EIF2B3: variants seen among roughly 807,000 people sequenced by gnomAD.
EIF2B3 encodes the protein eukaryotic translation initiation factor 2B subunit gamma, also known as translation initiation factor eIF2B subunit gamma.
EIF2B3 carries 20 observed loss-of-function variants against 54.1 expected under a neutral mutation model. That is an observed-to-expected ratio of 0.37 (90% CI 0.26 to 0.54). The LOEUF is 0.54. EIF2B3 is among the 20% of genes least tolerant of loss of function. EIF2B3 has a pLI of 0.86. For missense variants in EIF2B3, 448 were observed against 547.8 expected, an observed-to-expected ratio of 0.82 and a Z score of 1.82; for synonymous variants, 153 against 188.1, an observed-to-expected ratio of 0.81 and a Z score of 1.52.
intron 4 of EIF2B3, among the ~76,000 whole-genome samples, chr1:44,940,205 T>C (rs759856400): frequency 1.4e-4 from 22 of 152,158 alleles, no homozygotes; most frequent in Non-Finnish European, 2.5e-4. Flanking sequence ...CTATTAATAA[T>C]AGTAAGAAAT....
intron 3 of EIF2B3, among the ~76,000 whole-genome samples, chr1:44,971,814 C>T (rs892196176): frequency 2.0e-5 from 3 of 151,212 alleles, no homozygotes; most frequent in South Asian, 2.1e-4. Flanking sequence ...GGGTGGATCA[C>T]GAGGTCAGGA....
intron 1 of EIF2B3, 128 bp downstream of exon 1, chr1:44,986,365 C>T (rs1644577596): frequency 6.6e-6 from 1 of 152,234 alleles, no homozygotes; most frequent in Non-Finnish European, 1.5e-5. Context: ...CACAGCTACA[C>T]CGGGTCGAGC....
chr1:44,959,031 G>C, intron 3 of EIF2B3: 1 of 737,004 alleles, frequency 1.4e-6, no homozygotes, highest in Non-Finnish European at 2.4e-6. Context: ...AAAGTTCAGT[G>C]ACATCTGAGA....
chr1:44,941,240 C>A (rs1019337677), intron 4 of EIF2B3, among the ~76,000 whole-genome samples: 1 of 152,226 alleles, frequency 6.6e-6, no homozygotes, highest in African/African-American at 2.4e-5. Context: ...CTTAGATATA[C>A]GTATTCAATT....
chr1:44,932,966 G>A (rs933830644), intron 4 of EIF2B3, among the ~76,000 whole-genome samples: 2 of 152,152 alleles, frequency 1.3e-5, no homozygotes, highest in Non-Finnish European at 2.9e-5. Flanking sequence ...AGAAGAAAAC[G>A]TGAGGTTCAA....
chr1:44,962,171 G>A lies in EIF2B3; in HGVS notation c.294+16144C>T, dbSNP rs899425386. 1.1e-4 allele frequency among the ~76,000 whole-genome samples: 16 copies of A among 151,168 alleles called. 1 individual carries two copies. The highest frequency in any genetic ancestry group is 9.7e-4 in the East Asian group (5 of 5,136). ...TGCGCCACTGCACTCCAGCCTGGGT[G>A]ACAAGAGCGAAACTCCGTCTCAATC... On this transcript the variant is annotated intron_variant, in intron 3 of 11. Transcript: ENST00000360403.
At chr1:44,965,069 A>G (rs567539090) in intron 3 of EIF2B3, among the ~76,000 whole-genome samples, 27 of 152,322 alleles carry the variant, frequency 1.8e-4, no homozygotes, top group African/African-American at 6.5e-4. Flanking sequence ...CACAGACCGC[A>G]CCTTTACTTA....
chr1:44,965,757 G>C (rs1029346624), intron 3 of EIF2B3, among the ~76,000 whole-genome samples: 1 of 149,122 alleles, frequency 6.7e-6, no homozygotes, highest in South Asian at 2.1e-4. Flanking sequence ...TTCGTGCCTC[G>C]GCCTCCTGAG....
At chr1:44,871,560 A>T (rs1159427649) in intron 10 of EIF2B3, among the ~76,000 whole-genome samples, 1 of 152,188 alleles carries the variant, frequency 6.6e-6, no homozygotes, top group African/African-American at 2.4e-5. Context: ...GTCATGGTGA[A>T]TTGTTTGTCA....
intron 3 of EIF2B3, among the ~76,000 whole-genome samples, chr1:44,945,167 C>T (rs977533708): frequency 5.9e-5 from 9 of 151,968 alleles, no homozygotes; most frequent in Non-Finnish European, 1.3e-4. Flanking sequence ...CTTTTGAAGG[C>T]CTTTTAAAGT....
chr1:44,899,013 G>A (rs1182249882), intron 5 of EIF2B3, among the ~76,000 whole-genome samples: 2 of 152,094 alleles, frequency 1.3e-5, no homozygotes, highest in African/African-American at 4.8e-5. Flanking sequence ...TTTGTATGGG[G>A]CTTCACCATG....
chr1:44,906,024 CAAG>C (rs1199098454), intron 5 of EIF2B3, among the ~76,000 whole-genome samples: 1 of 152,206 alleles, frequency 6.6e-6, no homozygotes, highest in African/African-American at 2.4e-5. Context: ...GCACCACTGA[CAAG>C]AAGCTTCTAC....
chr1:44,897,262 T>G, intron 6 of EIF2B3, 93 bp downstream of exon 6: 1 of 897,168 alleles, frequency 1.1e-6, no homozygotes, highest in Non-Finnish European at 1.8e-6. Context: ...TTTTAGAAAC[T>G]GGTTATCTAA....
At chr1:44,944,781 A>G (rs1230897173) in intron 3 of EIF2B3, among the ~76,000 whole-genome samples, 3 of 152,196 alleles carry the variant, frequency 2.0e-5, no homozygotes, top group Non-Finnish European at 2.9e-5. Flanking sequence ...GTGAGCTACA[A>G]TTACTCCACT....
At position 44,856,655 on chromosome 1, in the gene EIF2B3, G is replaced by T. The variant is rs1041857252; in HGVS notation, c.1306+1049C>A. Among the ~76,000 whole-genome samples, 15 of 151,912 alleles carry T rather than the reference G, an allele frequency of 9.9e-5. 1 individual carries two copies. Among genetic ancestry groups the T allele is most frequent in the African/African-American group, 3.4e-4 (14 of 41,326 alleles). ...TTTGATTCTAAAGCCCAAAAGGAAGGCATATGACTTTAAAAAAGGGAAGGG... is the reference window on the plus strand; with the variant it reads ...TTTGATTCTAAAGCCCAAAAGGAAGTCATATGACTTTAAAAAAGGGAAGGG... On this transcript the variant is annotated intron_variant, in intron 11 of 11. Transcript: ENST00000360403.
chr1:44,970,997 C>T (rs12122946), intron 3 of EIF2B3, among the ~76,000 whole-genome samples: 43,496 of 151,922 alleles, frequency 0.29, 6,772 homozygotes, highest in African/African-American at 0.38. Flanking sequence ...TGTGGGGGAA[C>T]GGGTAACGGA....
chr1:44,962,057 T>C (rs978906073), intron 3 of EIF2B3, among the ~76,000 whole-genome samples: 2 of 152,146 alleles, frequency 1.3e-5, no homozygotes, highest in Non-Finnish European at 2.9e-5. Flanking sequence ...CTGGGTGTAG[T>C]GGCATGCACC....
intron 1 of EIF2B3, among the ~76,000 whole-genome samples, chr1:44,984,221 AG>A (rs974237328): frequency 1.1e-4 from 17 of 151,950 alleles, no homozygotes; most frequent in African/African-American, 3.6e-4. Flanking sequence ...AAAGAGCGCC[AG>A]GCACAGTGGC....
At chr1:44,874,442 A>G in intron 10 of EIF2B3, 1 of 527,678 alleles carries the variant, frequency 1.9e-6, no homozygotes, top group Non-Finnish European at 3.3e-6. Flanking sequence ...CCTTTTTCTG[A>G]GTTGAATCTC....
Sources: gnomAD v4.1 joint callset for allele counts (sites outside exome capture counted in the v4.1 genomes callset) on GRCh38, gnomAD v4.1.1 for gene constraint, MANE v1.5 for transcripts, NCBI Gene and HGNC (gene_info 2026-07-23, HGNC 2026-07-21) for gene names.